ZNF432: variants seen among roughly 807,000 people sequenced by gnomAD.
ZNF432 encodes the protein zinc finger protein 432.
In ZNF432, 10 loss-of-function variants were observed where a neutral mutation model predicts 13.9. That is an observed-to-expected ratio of 0.72 (90% CI 0.44 to 1.22). The LOEUF (loss-of-function observed/expected upper bound fraction) is 1.22. Among genes scored for constraint, ZNF432 ranks in the 50% most tolerant of loss-of-function variants. The pLI is 0.00. For synonymous variants in ZNF432, 247 were observed against 256.2 expected, an observed-to-expected ratio of 0.96 and a Z score of 0.34; for missense variants, 793 against 796.2, an observed-to-expected ratio of 1.00 and a Z score of 0.05.
At chr19:52,038,589 C>T (rs1314518419) in intron 4 of ZNF432, among the ~76,000 whole-genome samples, 1 of 152,186 alleles carries the variant, frequency 6.6e-6, no homozygotes, top group Non-Finnish European at 1.5e-5. Flanking sequence ...CGCACCTGAC[C>T]CATGCCTTCA....
Position 52,034,928 on chromosome 19 carries a change from G to A in ZNF432, c.751C>T (p.His251Tyr). The change falls in exon 5 of 5, where the codon CAT becomes TAT. Residue 251 changes from histidine (H) to tyrosine (Y), a missense_variant. Coordinates refer to ENST00000221315, the MANE Select transcript of ZNF432 (RefSeq NM_014650.4). ...TTCTCTCTTTTATGAATTCTTTGAT[G>A]TTCATTTAGCCTGGACTTTCTGGAG... ...VFSRKSRLNE[H>Y]QRIHKREKSF... 2.5e-6 allele frequency: 4 copies of A among 1,612,694 alleles called. No individual in the cohort carries two copies. Among genetic ancestry groups the A allele is most frequent in the Non-Finnish European group, 3.4e-6 (4 of 1,179,576 alleles).
In ZNF432 at chr19:52,035,271, A is replaced by C. The variant is rs755899101; in HGVS notation, c.408T>G (p.Thr136=). ...TGACTAAACTTAAATTTGATTTCAA[A>C]GTTTTTATATATAACTCAAATGTAT... ...NHDTFELYIK[T]LKSNLSLVNQ... The change falls in exon 5 of 5, where the codon ACT becomes ACG. Residue 136 remains threonine (T), a synonymous_variant. Coordinates refer to ENST00000221315, the MANE Select transcript of ZNF432 (RefSeq NM_014650.4). 2 of 1,605,274 alleles carry C rather than the reference A, an allele frequency of 1.2e-6. No homozygotes were observed. Among genetic ancestry groups the C allele is most frequent in the South Asian group, 2.3e-5 (2 of 88,430 alleles).
At chr19:52,044,018 C>G (rs2087159446) in intron 2 of ZNF432, among the ~76,000 whole-genome samples, 1 of 146,434 alleles carries the variant, frequency 6.8e-6, no homozygotes, top group African/African-American at 2.8e-5. Flanking sequence ...TATACTTTGT[C>G]TCTGTGTCTT....
chr19:52,039,074 CAAGT>C (rs1261713905), intron 4 of ZNF432, among the ~76,000 whole-genome samples: 1 of 152,218 alleles, frequency 6.6e-6, no homozygotes, highest in Non-Finnish European at 1.5e-5. Context: ...ACCAAAGGCT[CAAGT>C]GAACTTCCCT....
At position 52,034,072 on chromosome 19, in the gene ZNF432, G is replaced by C. The variant is rs761071523; in HGVS notation, c.1607C>G (p.Thr536Ser). ...ACTGCACATAAAGGGTTTCTCTCCA[G>C]TATGAGTTCGCTGGTGTACAACAAG... ...SNLVVHQRTH[T>S]GEKPFMCSEC... Residue 536 changes from threonine (T) to serine (S), a missense_variant, in exon 5 of 5, where the codon ACT becomes AGT. By Grantham distance (58) the Thr-to-Ser change is moderately conservative. Coordinates refer to ENST00000221315, the MANE Select transcript of ZNF432 (RefSeq NM_014650.4). 4 of 1,614,020 alleles carry C rather than the reference G, an allele frequency of 2.5e-6. No homozygotes were observed. In the Admixed American group the frequency reaches 5.0e-5, roughly 20 times the overall value.
chr19:52,035,269 A>C lies in ZNF432; in HGVS notation c.410T>G (p.Leu137Trp), dbSNP rs767383966. 4 of 1,605,288 alleles carry C rather than the reference A, an allele frequency of 2.5e-6. No individual in the cohort carries two copies. Among genetic ancestry groups the C allele is most frequent in the Non-Finnish European group, 3.4e-6 (4 of 1,177,646 alleles). ...GTTGACTAAACTTAAATTTGATTTC[A>C]AAGTTTTTATATATAACTCAAATGT... ...HDTFELYIKT[L>W]KSNLSLVNQN... Residue 137 changes from leucine (L) to tryptophan (W), a missense_variant, in exon 5 of 5, where the codon TTG becomes TGG. Transcript: ENST00000221315.
rs762784694 is a variant in ZNF432, at chr19:52,040,585, T to C, written c.143-2A>G. 1 of 1,613,114 alleles carries C rather than the reference T, an allele frequency of 6.2e-7. No individual in the cohort carries two copies. The highest frequency in any genetic ancestry group is 8.5e-7 in the Non-Finnish European group (1 of 1,179,220). ...CATCTGGTTTGCTGACTTGATAACC[T>C]GTTTACGGGAAATAATAGAAGACAG... On this transcript the variant is annotated splice_acceptor_variant, in intron 3 of 4. Coordinates refer to ENST00000221315, the MANE Select transcript of ZNF432 (RefSeq NM_014650.4). LOFTEE classifies it high-confidence loss of function.
Position 52,041,542 on chromosome 19 carries a change from G to C in ZNF432, c.80C>G (p.Pro27Arg), listed in dbSNP as rs928038106. Residue 27 changes from proline to arginine, a missense_variant, in exon 3 of 5, where the codon CCT (proline) becomes CGT (arginine). By Grantham distance (103) the Pro-to-Arg change is moderately radical. Transcript: ENST00000221315. ...FTWEEWQLLG[P>R]FQKDLYRDVM... ...ATCCCGGTACAAATCCTTCTGAAAAGGGCCCAGGAGCTGCCACTCCTCCCA... is the reference window on the plus strand; with the variant it reads ...ATCCCGGTACAAATCCTTCTGAAAACGGCCCAGGAGCTGCCACTCCTCCCA... The C allele has an allele frequency of 6.2e-7, 1 of 1,612,786 alleles. No individual in the cohort carries two copies. Among genetic ancestry groups the C allele is most frequent in the Non-Finnish European group, 8.5e-7 (1 of 1,179,510 alleles).
At position 52,034,547 on chromosome 19, in the gene ZNF432, A is replaced by G. The variant is rs1370956911; in HGVS notation, c.1132T>C (p.Cys378Arg). ...CTCTTCATGGTGAAGCCTTTCCCAC[A>G]TTCATTGCATATATATGGTTTCTCT... ...TGEKPYICNE[C>R]GKGFTMKSRM... Residue 378 changes from cysteine to arginine, a missense_variant, in exon 5 of 5, where the codon TGT becomes CGT. Cys to Arg is a radical substitution (Grantham distance 180). Coordinates refer to ENST00000221315, the MANE Select transcript of ZNF432 (RefSeq NM_014650.4). 2.5e-6 allele frequency: 4 copies of G among 1,613,634 alleles called. 1 individual carries two copies. In the South Asian group the frequency reaches 3.3e-5, roughly 13 times the overall value.
rs1340656032 is a variant in ZNF432, at chr19:52,034,296, T to A, written c.1383A>T (p.Glu461Asp). 1 of 1,609,720 alleles carries A rather than the reference T, an allele frequency of 6.2e-7. No homozygotes were observed. The highest frequency in any genetic ancestry group is 1.1e-5 in the South Asian group (1 of 90,642). ...TCTTCAAGGGGAAGCCTTTCCCACA[T>A]TCACTGCATGTGTAGGGCTTCTCTC... ...HTGEKPYTCSECGKGFPLKSR... is the reference protein window; with the variant it reads ...HTGEKPYTCSDCGKGFPLKSR... Residue 461 changes from glutamate to aspartate, a missense_variant, in exon 5 of 5, where the codon GAA (glutamate) becomes GAT (aspartate). Transcript: ENST00000221315.
chr19:52,043,638 G>C (rs1375255795), intron 2 of ZNF432, among the ~76,000 whole-genome samples: 2 of 152,138 alleles, frequency 1.3e-5, no homozygotes, highest in Admixed American at 6.5e-5. Flanking sequence ...TCTCCTGCCC[G>C]TCCCTGGGCA....
chr19:52,031,723 CGTG>C lies in ZNF432; in HGVS notation c.*1994_*1996del, dbSNP rs1429192508. 6.6e-6 allele frequency: 1 copy of C among 152,432 alleles called. No individual in the cohort carries two copies. Among genetic ancestry groups the C allele is most frequent in the Admixed American group, 6.5e-5 (1 of 15,282 alleles). The allele number at this position is 152,432 out of a possible 1,614,324, so 9.4% of individuals were successfully genotyped here. ...AAAGAGGTAGCAAGAGGAGGCCAGGCGTGGTGGCTCATGCCTGTAATCCCAGCA... is the reference window on the plus strand; with the variant it reads ...AAAGAGGTAGCAAGAGGAGGCCAGGCGTGGCTCATGCCTGTAATCCCAGCA... On this transcript the variant is annotated 3_prime_UTR_variant, in exon 5 of 5. Coordinates refer to ENST00000221315, the MANE Select transcript of ZNF432 (RefSeq NM_014650.4).
chr19:52,039,292 T>C (rs1043938532), intron 4 of ZNF432, among the ~76,000 whole-genome samples: 13 of 152,290 alleles, frequency 8.5e-5, no homozygotes, highest in Non-Finnish European at 1.5e-4. Context: ...CATAGCAGCA[T>C]GATTCATAAA....
rs1332379103 is a variant in ZNF432 at position 52,039,778 on chromosome 19, G to A, written c.238+710C>T. ...CGGGAGGTGGAGGTTGCAGTGAGCCGAGATCACACCATTGCACTCCAGCCT... is the reference window on the plus strand; with the variant it reads ...CGGGAGGTGGAGGTTGCAGTGAGCCAAGATCACACCATTGCACTCCAGCCT... On this transcript the variant is annotated intron_variant, in intron 4 of 4. Coordinates refer to ENST00000221315, the MANE Select transcript of ZNF432 (RefSeq NM_014650.4). Among the ~76,000 whole-genome samples, 12 of 141,000 alleles carry A rather than the reference G, an allele frequency of 8.5e-5. No homozygotes were observed. The South Asian group carries it at 1.3e-3, about 16-fold the overall frequency. 92.5% of individuals were successfully genotyped at this position (141,000 alleles called of 152,430 possible).
chr19:52,048,184 A>ACACACACACACAC (rs1568525403), intron 1 of ZNF432, among the ~76,000 whole-genome samples: 122 of 56,142 alleles, frequency 2.2e-3, no homozygotes, highest in African/African-American at 5.1e-3. Flanking sequence ...CACACACACA[A>ACACACACACACAC]AACCAGCCAG....
chr19:52,043,703 A>G (rs2087156253), intron 2 of ZNF432, among the ~76,000 whole-genome samples: 1 of 152,224 alleles, frequency 6.6e-6, no homozygotes, highest in South Asian at 2.1e-4. Flanking sequence ...GAGATAGGGG[A>G]AAACCGCCTT....
intron 2 of ZNF432, among the ~76,000 whole-genome samples, chr19:52,042,536 G>A (rs938550483): frequency 6.6e-6 from 1 of 152,086 alleles, no homozygotes; most frequent in Admixed American, 6.6e-5. Flanking sequence ...GTGACAGAGT[G>A]AGACCCTATC....
chr19:52,033,735 A>G lies in ZNF432; in HGVS notation c.1944T>C (p.Asn648=), dbSNP rs752584899. The G allele has an allele frequency of 1.3e-6, 2 of 1,589,872 alleles. No individual in the cohort carries two copies. The highest frequency in any genetic ancestry group is 8.5e-7 in the Non-Finnish European group (1 of 1,169,786). Residue 648 remains asparagine (N), a synonymous_variant, in exon 5 of 5, where the codon AAT becomes AAC. Coordinates refer to ENST00000221315, the MANE Select transcript of ZNF432 (RefSeq NM_014650.4). ...RNLIVHQRTH[N]GNKP ...CACTGCATTGTCAGGGTTTGTTTCC[A>G]TTATGAGTTCGCTGATGTACAATGA...
Position 52,035,432 on chromosome 19 carries a change from C to G in ZNF432, c.247G>C (p.Glu83Gln). ...RHSRICPENNEVDDHLQDHLE... is the reference protein window; with the variant it reads ...RHSRICPENNQVDDHLQDHLE... Reference sequence around the variant, plus strand: ...TGATCCTGCAGATGATCATCAACTTCGTTGTTTTCTAGGAAAGAAGAGAAC... The same window carrying G: ...TGATCCTGCAGATGATCATCAACTTGGTTGTTTTCTAGGAAAGAAGAGAAC... The change falls in exon 5 of 5, where the codon GAA becomes CAA. Residue 83 changes from glutamate to glutamine, a missense_variant. Physicochemically the swap from Glu to Gln is conservative, Grantham distance 29 (BLOSUM62 2). Coordinates refer to ENST00000221315, the MANE Select transcript of ZNF432 (RefSeq NM_014650.4). The G allele has an allele frequency of 2.6e-6, 4 of 1,536,678 alleles. No homozygotes were observed. The highest frequency in any genetic ancestry group is 3.5e-6 in the Non-Finnish European group (4 of 1,147,676).
Sources: allele counts gnomAD v4.1 joint callset (sites outside exome capture counted in the v4.1 genomes callset), GRCh38; gene constraint gnomAD v4.1.1; transcripts MANE v1.5; gene names NCBI Gene and HGNC (gene_info 2026-07-23, HGNC 2026-07-21).